Variants in PTPN20 observed in about 807,000 individuals in gnomAD.
The protein encoded by PTPN20 is tyrosine-protein phosphatase non-receptor type 20.
PTPN20 carries 9 observed loss-of-function variants against 35.0 expected under a neutral mutation model. The ratio of observed to expected loss-of-function variants is 0.26; its 90% CI spans 0.15 to 0.45. The LOEUF (loss-of-function observed/expected upper bound fraction) is 0.45. Among genes scored for constraint, PTPN20 ranks in the 20% least tolerant of loss-of-function variants. The pLI is 1.00. For missense variants in PTPN20, 111 were observed against 312.5 expected (o/e 0.36, Z 4.86); for synonymous variants, 32 against 100.2 (o/e 0.32, Z 4.06).
intron 2 of PTPN20, among the ~76,000 whole-genome samples, chr10:46,940,370 G>A (rs1199349499): frequency 6.8e-6 from 1 of 146,182 alleles, no homozygotes; most frequent in Non-Finnish European, 1.5e-5. Flanking sequence ...ATGGCAATGA[G>A]GAACAAGGGA....
In PTPN20 at chr10:46,991,200, AGAT is replaced by A. The variant is rs2057885897; in HGVS notation, c.1134+3646_1134+3648del. 2.6e-4 allele frequency among the ~76,000 whole-genome samples: 33 copies of A among 127,858 alleles called. 1 individual carries two copies. Among genetic ancestry groups the A allele is most frequent in the African/African-American group, 9.2e-4 (32 of 34,802 alleles). The allele number at this position is 127,858 out of a possible 152,430, so 83.9% of individuals were successfully genotyped here. On this transcript the variant is annotated intron_variant, in intron 9 of 10. Coordinates refer to ENST00000374339, the MANE Select transcript of PTPN20 (RefSeq NM_001042357.5). The stretch of plus-strand genomic sequence containing the variant: ...GTGTAATGCCCTACTTTGTCCTTTT[AGAT>A]CATTGTTGGTTTAAAGTCTGTTTTA...
chr10:46,947,017 T>C (rs1555141896), intron 5 of PTPN20, among the ~76,000 whole-genome samples: 1 of 149,950 alleles, frequency 6.7e-6, no homozygotes, highest in Non-Finnish European at 1.5e-5. Flanking sequence ...AATATATGCT[T>C]TGTAAGTAAA....
chr10:46,978,934 T>G (rs1290469571), intron 7 of PTPN20, among the ~76,000 whole-genome samples: 2 of 150,678 alleles, frequency 1.3e-5, no homozygotes, highest in Non-Finnish European at 3.0e-5. Context: ...TCTTCCTTGA[T>G]AGGTGTAAGC....
intron 9 of PTPN20, among the ~76,000 whole-genome samples, chr10:46,995,116 C>T (rs888059654): frequency 0.021 from 3,263 of 152,210 alleles, 128 homozygotes; most frequent in African/African-American, 0.074. Context: ...TCATGAGGGT[C>T]AGTCACTGGT....
At chr10:46,919,472 GCTT>G (rs1294000009) in intron 1 of PTPN20, among the ~76,000 whole-genome samples, 33 of 134,250 alleles carry the variant, frequency 2.5e-4, no homozygotes, top group Non-Finnish European at 4.4e-4. Context: ...TCTCCTCCAT[GCTT>G]CTTCTCCTTC....
intron 2 of PTPN20, among the ~76,000 whole-genome samples, chr10:46,937,944 T>C (rs1184538560): frequency 8.7e-6 from 1 of 114,886 alleles, no homozygotes; most frequent in East Asian, 2.6e-4. Context: ...TTTTTCTTTT[T>C]CTTTTCTTTT....
In PTPN20 at chr10:46,953,463, G is replaced by A. The variant is rs1176666028; in HGVS notation, c.340+6788G>A. Among the ~76,000 whole-genome samples the A allele has an allele frequency of 2.1e-5, 3 of 141,158 alleles. No homozygotes were observed. In the East Asian group the frequency reaches 6.3e-4, roughly 30 times the overall value. 92.6% of individuals were successfully genotyped at this position (141,158 alleles called of 152,430 possible). A position where few individuals can be genotyped will look rare whatever the true frequency, so the allele number is the denominator to read the frequency against. On this transcript the variant is annotated intron_variant, in intron 5 of 10. Coordinates refer to ENST00000374339, the MANE Select transcript of PTPN20 (RefSeq NM_001042357.5). ...TGGTTCAATGTTGAATAAGAGGAAA[G>A]GGAGTGGACATCCTTTCCAGATTCT...
chr10:46,954,849 A>G (rs1262540351), intron 5 of PTPN20, among the ~76,000 whole-genome samples: 147 of 150,980 alleles, frequency 9.7e-4, no homozygotes, highest in African/African-American at 3.5e-3. Context: ...CTTTTTCATA[A>G]ATACAACTGG....
chr10:46,923,396 T>C lies in PTPN20; in HGVS notation c.-123-8981T>C, dbSNP rs1360096066. 1.1e-3 allele frequency among the ~76,000 whole-genome samples: 164 copies of C among 146,734 alleles called. 7 individuals are homozygous for C. The highest frequency in any genetic ancestry group is 4.4e-3 in the African/African-American group (162 of 36,970). ...AGAGTTTTTGTGTTTTACATTTAGG[T>C]CTGTGATTCATTTTGAGTTATTTTT... On this transcript the variant is annotated intron_variant, in intron 1 of 10. Transcript: ENST00000374339.
chr10:46,979,969 G>T (rs2054837403), intron 7 of PTPN20, among the ~76,000 whole-genome samples: 1 of 151,200 alleles, frequency 6.6e-6, no homozygotes, highest in East Asian at 2.0e-4. Context: ...TATTACAGAG[G>T]TTTATTACAT....
At chr10:46,925,898 A>G (rs2037184677) in intron 1 of PTPN20, 1 of 883,898 alleles carries the variant, frequency 1.1e-6, no homozygotes, top group African/African-American at 1.8e-5. Flanking sequence ...GTTGGCCTTT[A>G]GGCATATGTG....
chr10:46,975,504 G>T (rs1380351966), intron 7 of PTPN20, among the ~76,000 whole-genome samples: 16 of 150,922 alleles, frequency 1.1e-4, no homozygotes, highest in Non-Finnish European at 1.9e-4. Context: ...TACCTCTAAG[G>T]TGTCAGTATG....
At chr10:46,952,270 TG>T (rs2046924414) in intron 5 of PTPN20, among the ~76,000 whole-genome samples, 1 of 151,806 alleles carries the variant, frequency 6.6e-6, no homozygotes. Context: ...TGTATCAGCC[TG>T]GCACCTATAT....
At chr10:46,947,959 A>C (rs1465196082) in intron 5 of PTPN20, 1 of 453,646 alleles carries the variant, frequency 2.2e-6, no homozygotes, top group Non-Finnish European at 4.4e-6. Flanking sequence ...CTTTAAGGTA[A>C]ATATCTAGGA....
intron 2 of PTPN20, among the ~76,000 whole-genome samples, chr10:46,937,550 G>C (rs1428637156): frequency 3.3e-4 from 50 of 150,094 alleles, no homozygotes; most frequent in Non-Finnish European, 1.5e-5. Context: ...GCTACTGTGC[G>C]CTTCATTTTG....
rs2036746790 is a variant in PTPN20 at position 46,925,103 on chromosome 10, AGCCTGG to A, written c.-123-7272_-123-7267del. Reference sequence around the variant, plus strand: ...TGTGGTTGCCAGGCAACCACACCCCAGCCTGGGTTGTTTGGTGACTGGATAAGGTAT... The same window carrying A: ...TGTGGTTGCCAGGCAACCACACCCCAGTTGTTTGGTGACTGGATAAGGTAT... On this transcript the variant is annotated intron_variant, in intron 1 of 10. Coordinates refer to ENST00000374339, the MANE Select transcript of PTPN20 (RefSeq NM_001042357.5). 6.0e-5 allele frequency among the ~76,000 whole-genome samples: 9 copies of A among 151,212 alleles called. No individual in the cohort carries two copies. In the South Asian group the frequency reaches 1.9e-3, roughly 32 times the overall value.
chr10:46,994,714 C>T (rs2058733623), intron 9 of PTPN20, among the ~76,000 whole-genome samples: 3 of 152,124 alleles, frequency 2.0e-5, no homozygotes, highest in African/African-American at 7.2e-5. Context: ...AGCTTCCTAC[C>T]CCTTGCTCTT....
At chr10:46,995,333 C>CTT (rs878968027) in intron 9 of PTPN20, among the ~76,000 whole-genome samples, 1,560 of 85,652 alleles carry the variant, frequency 0.018, 91 homozygotes, top group African/African-American at 0.024. Context: ...TTTTTTTTTT[C>CTT]TTTTTTTTTT....
At chr10:47,002,830 C>A (rs2060130785), downstream of PTPN20, among the ~76,000 whole-genome samples, 1 of 151,680 alleles carries the variant, frequency 6.6e-6, no homozygotes. Flanking sequence ...TCCTTTGGAC[C>A]TTTTACCCCC....
Sources: gnomAD v4.1 joint callset for allele counts (sites outside exome capture counted in the v4.1 genomes callset) on GRCh38, gnomAD v4.1.1 for gene constraint, MANE v1.5 for transcripts, NCBI Gene and HGNC (gene_info 2026-07-23, HGNC 2026-07-21) for gene names.